SLC39A11: variants seen among roughly 807,000 people sequenced by gnomAD.
The protein encoded by SLC39A11 is solute carrier family 39 member 11, also known as zinc transporter ZIP11.
SLC39A11 carries 33 observed loss-of-function variants against 36.1 expected under a neutral mutation model. The ratio of observed to expected loss-of-function variants is 0.91; its 90% confidence interval spans 0.69 to 1.22. The LOEUF is 1.22. Ranked by LOEUF, SLC39A11 falls within the 50% of genes most tolerant of loss-of-function variation. The probability of loss-of-function intolerance (pLI) is 0.00; values close to 1 mark genes in which losing one functional copy is unlikely to be tolerated. For missense variants in SLC39A11, 432 were observed against 430.3 expected (o/e 1.00, Z -0.03); for synonymous variants, 166 against 170.3 (o/e 0.97, Z 0.20).
intron 5 of SLC39A11, among the ~76,000 whole-genome samples, chr17:72,892,193 A>C (rs557251294): frequency 2.0e-5 from 3 of 152,244 alleles, no homozygotes; most frequent in African/African-American, 7.2e-5. Context: ...AGATCACCTA[A>C]AGTCAGGAGT....
At chr17:72,796,619 A>G (rs1380135772) in intron 6 of SLC39A11, among the ~76,000 whole-genome samples, 1 of 152,110 alleles carries the variant, frequency 6.6e-6, no homozygotes, top group Admixed American at 6.5e-5. Flanking sequence ...ACGTTTCAAC[A>G]GGCAGCTGAA....
chr17:72,977,099 A>G (rs2087909250), intron 4 of SLC39A11, among the ~76,000 whole-genome samples: 1 of 152,180 alleles, frequency 6.6e-6, no homozygotes, highest in Non-Finnish European at 1.5e-5. Context: ...AGGAGCCCTG[A>G]AAAGCAGAAA....
intron 5 of SLC39A11, among the ~76,000 whole-genome samples, chr17:72,941,418 G>A (rs2085090437): frequency 6.6e-6 from 1 of 152,166 alleles, no homozygotes; most frequent in Admixed American, 6.5e-5. Flanking sequence ...ATAAATTTCT[G>A]CAGTTTAAGC....
chr17:72,888,699 C>G (rs888324087), intron 5 of SLC39A11, among the ~76,000 whole-genome samples: 10 of 151,928 alleles, frequency 6.6e-5, no homozygotes, highest in Non-Finnish European at 8.8e-5. Flanking sequence ...GCCAGGAGTT[C>G]AAGATCAGCC....
intron 3 of SLC39A11, among the ~76,000 whole-genome samples, chr17:73,035,028 T>C (rs182423079): frequency 1.3e-5 from 2 of 152,306 alleles, no homozygotes; most frequent in Admixed American, 6.5e-5. Context: ...CTTGTGAGCC[T>C]CCCTGCCTCA....
At chr17:72,759,102 A>AAATAATAATAAT (rs776562987) in intron 6 of SLC39A11, among the ~76,000 whole-genome samples, 2,247 of 135,412 alleles carry the variant, frequency 0.017, 38 homozygotes, top group African/African-American at 0.057. Context: ...TTTCATCTAA[A>AAATAATAATAAT]AATAATAACA....
At chr17:72,678,074 T>A (rs2071352013) in intron 7 of SLC39A11, among the ~76,000 whole-genome samples, 1 of 152,204 alleles carries the variant, frequency 6.6e-6, no homozygotes, top group South Asian at 2.1e-4. Context: ...AGAGGGTCCA[T>A]GTTTCAATGG....
At chr17:72,668,923 T>C (rs1273869330) in intron 7 of SLC39A11, among the ~76,000 whole-genome samples, 1 of 152,178 alleles carries the variant, frequency 6.6e-6, no homozygotes, top group Non-Finnish European at 1.5e-5. Flanking sequence ...GTACCTGTCT[T>C]CCATTAATGG....
intron 4 of SLC39A11, among the ~76,000 whole-genome samples, chr17:72,995,442 C>G (rs2089447891): frequency 6.6e-6 from 1 of 152,212 alleles, no homozygotes; most frequent in Non-Finnish European, 1.5e-5. Flanking sequence ...CTTGACTGGA[C>G]TAAGGGATGC....
chr17:73,053,118 G>A (rs916394085), intron 3 of SLC39A11, among the ~76,000 whole-genome samples: 5 of 152,140 alleles, frequency 3.3e-5, no homozygotes, highest in South Asian at 2.1e-4. Context: ...CCAGTGAGAC[G>A]GAGGCTACAG....
In SLC39A11 at chr17:72,900,099, GAAAGAAAGAA is replaced by G. The variant is rs1184949988; in HGVS notation, c.430+47643_430+47652del. On this transcript the variant is annotated intron_variant, in intron 5 of 9. Transcript: ENST00000255559. ...GAAAGAGAGAAAGAGAAAGAGAAAAGAAAGAAAGAAAAAGAAAGAAAGAAAAGAAAGAAAG... is the reference window on the plus strand; with the variant it reads ...GAAAGAGAGAAAGAGAAAGAGAAAAGAAAGAAAGAAAGAAAAGAAAGAAAG... Among the ~76,000 whole-genome samples the G allele has an allele frequency of 1.8e-3, 46 of 25,810 alleles. 7 individuals carry two copies. The highest frequency in any genetic ancestry group is 0.016 in the African/African-American group (44 of 2,684). 16.9% of individuals were successfully genotyped at this position (25,810 alleles called of 152,430 possible). A position where few individuals can be genotyped will look rare whatever the true frequency, so the allele number is the denominator to read the frequency against.
intron 5 of SLC39A11, among the ~76,000 whole-genome samples, chr17:72,943,863 T>C (rs1422367206): frequency 6.6e-6 from 1 of 152,208 alleles, no homozygotes; most frequent in African/African-American, 2.4e-5. Flanking sequence ...TGCTTTTCAG[T>C]TGCCATGGAC....
chr17:72,679,674 T>C (rs1200292740), intron 7 of SLC39A11, among the ~76,000 whole-genome samples: 3 of 152,120 alleles, frequency 2.0e-5, no homozygotes, highest in South Asian at 2.1e-4. Flanking sequence ...TTGATCTTGA[T>C]TGGGCTGGGT....
At chr17:73,024,278 T>C (rs917406055) in intron 4 of SLC39A11, among the ~76,000 whole-genome samples, 3 of 152,180 alleles carry the variant, frequency 2.0e-5, no homozygotes, top group African/African-American at 7.2e-5. Context: ...AACCCCAGGA[T>C]GCAGCATATA....
intron 3 of SLC39A11, among the ~76,000 whole-genome samples, chr17:73,082,958 G>C (rs2060594132): frequency 6.9e-6 from 1 of 144,124 alleles, no homozygotes; most frequent in African/African-American, 2.6e-5. Flanking sequence ...GGAGGTTGCA[G>C]TGAGCCAAGA....
intron 7 of SLC39A11, among the ~76,000 whole-genome samples, chr17:72,665,389 G>GTTTTTTTTTTTGTTTT (rs2070689959): frequency 1.3e-5 from 1 of 76,636 alleles, no homozygotes; most frequent in African/African-American, 5.3e-5. Flanking sequence ...GTTTTGAGGT[G>GTTTTTTTTTTTGTTTT]TTTTTTTTTT....
chr17:72,736,828 G>T, intron 6 of SLC39A11, 109 bp from the exon 7 acceptor site: 2 of 914,102 alleles, frequency 2.2e-6, no homozygotes, highest in Non-Finnish European at 1.8e-6. Context: ...GCCAGTCAAA[G>T]AAAATCATCG....
At chr17:72,820,868 C>T (rs1451246735) in intron 6 of SLC39A11, among the ~76,000 whole-genome samples, 9 of 151,230 alleles carry the variant, frequency 6.0e-5, no homozygotes, top group African/African-American at 2.2e-4. Context: ...CAAGTCAGAG[C>T]ACAGGGTCCC....
At chr17:72,931,696 C>G (rs1253767961) in intron 5 of SLC39A11, among the ~76,000 whole-genome samples, 1 of 152,218 alleles carries the variant, frequency 6.6e-6, no homozygotes, top group Non-Finnish European at 1.5e-5. Flanking sequence ...CTCAAACTTT[C>G]ACACTGCACA....
Sources: gnomAD v4.1 joint callset for allele counts (sites outside exome capture counted in the v4.1 genomes callset) on GRCh38, gnomAD v4.1.1 for gene constraint, MANE v1.5 for transcripts, NCBI Gene and HGNC (gene_info 2026-07-23, HGNC 2026-07-21) for gene names.